Variants in DOP1A observed in about 807,000 individuals in gnomAD.
DOP1A encodes the protein protein DOP1A.
DOP1A carries 90 observed loss-of-function variants against 267.6 expected under a neutral mutation model. The observed-to-expected ratio is 0.34, with a 90% CI of 0.28 to 0.40. The LOEUF is 0.40. DOP1A is among the 10% of genes least tolerant of loss of function. The pLI, the probability that DOP1A is intolerant of heterozygous loss-of-function variation, is 1.00. For missense variants in DOP1A, 2,437 were observed against 2,900.4 expected (o/e 0.84, Z 3.67); for synonymous variants, 932 against 999.1 (o/e 0.93, Z 1.27).
chr6:83,145,775 G>A, intron 25 of DOP1A, 117 bp downstream of exon 25: 1 of 922,924 alleles, frequency 1.1e-6, no homozygotes, highest in Non-Finnish European at 1.6e-6. Flanking sequence ...AGAGATGACT[G>A]CATGTGGCCC....
intron 38 of DOP1A, chr6:83,166,224 G>A (rs1470987971): frequency 1.4e-5 from 7 of 501,178 alleles, no homozygotes; most frequent in Middle Eastern, 6.6e-4. Context: ...AATGCCGAAC[G>A]ACCATAAAAT....
intron 1 of DOP1A, among the ~76,000 whole-genome samples, chr6:83,095,437 A>T (rs1771300190): frequency 6.6e-6 from 1 of 152,112 alleles, no homozygotes; most frequent in Non-Finnish European, 1.5e-5. Context: ...TGTTGGAAAG[A>T]CTATTCTTAC....
chr6:83,156,990 T>C (rs907175154), intron 34 of DOP1A, among the ~76,000 whole-genome samples, 192 bp from the exon 35 acceptor site: 6 of 152,190 alleles, frequency 3.9e-5, no homozygotes, highest in Admixed American at 3.3e-4. Context: ...AAAATGACAT[T>C]TGTATTTTGT....
chr6:83,137,055 A>G (rs1397390570), intron 20 of DOP1A, 118 bp from the exon 21 acceptor site: 1 of 995,590 alleles, frequency 1.0e-6, no homozygotes, highest in East Asian at 2.8e-5. Flanking sequence ...ATTTTAGGAA[A>G]ATATAAGTAG....
Position 83,129,441 on chromosome 6 carries a change from A to C in DOP1A, c.2274A>C (p.Ser758=). 1.3e-6 allele frequency: 2 copies of C among 1,590,120 alleles called. No individual in the cohort carries two copies. The highest frequency in any genetic ancestry group is 8.5e-7 in the Non-Finnish European group (1 of 1,172,898). ...LAACQLFLEC[S]SFPVYIAEGN... ...CCTGTCAGCTCTTCCTAGAGTGCTC[A>C]AGTTTCCCAGTTTACATTGCTGAGG... is the stretch of plus-strand genomic sequence containing the variant. The change falls in exon 16 of 39, where the codon TCA becomes TCC. Residue 758 remains serine, a synonymous_variant. Coordinates refer to ENST00000349129, the MANE Select transcript of DOP1A (RefSeq NM_015018.4).
intron 12 of DOP1A, among the ~76,000 whole-genome samples, 164 bp from the exon 13 acceptor site, chr6:83,124,541 A>T (rs1311411360): frequency 6.6e-6 from 1 of 152,144 alleles, no homozygotes; most frequent in Non-Finnish European, 1.5e-5. Context: ...AGAATTTTCC[A>T]TGAAGAGGTA....
chr6:83,099,011 T>C (rs1772027650), intron 3 of DOP1A, among the ~76,000 whole-genome samples: 1 of 151,822 alleles, frequency 6.6e-6, no homozygotes. Context: ...TACGGCCAGC[T>C]CCGAGACAGG....
chr6:83,108,483 A>G (rs1002872806), intron 4 of DOP1A, among the ~76,000 whole-genome samples: 110 of 152,296 alleles, frequency 7.2e-4, no homozygotes, highest in African/African-American at 2.5e-3. Flanking sequence ...CAGCCATGTT[A>G]GAGTAGAAGA....
Position 83,128,892 on chromosome 6 carries a change from A to G in DOP1A, c.1725A>G (p.Ser575=). The G allele has an allele frequency of 6.6e-7, 1 of 1,521,718 alleles. No homozygotes were observed. The allele number at this position is 1,521,718 out of a possible 1,614,324, so 94.3% of individuals were successfully genotyped here. The part of the protein sequence containing the change: ...SVKEWEDKKV[S]SVSHENPTEV... ...TTCTTAAAAATCTCTAACAGGTATC[A>G]TCAGTTTCTCATGAAAATCCTACTG... is the stretch of plus-strand genomic sequence containing the variant. Residue 575 remains serine (S), a synonymous_variant, in exon 16 of 39, where the codon TCA becomes TCG. Coordinates refer to ENST00000349129, the MANE Select transcript of DOP1A (RefSeq NM_015018.4).
Position 83,139,029 on chromosome 6 carries a change from T to G in DOP1A, c.4987T>G (p.Leu1663Val). Residue 1663 changes from leucine to valine, a missense_variant, in exon 21 of 39, where the codon TTA becomes GTA. Leu to Val is a conservative substitution (Grantham distance 32, BLOSUM62 1). Coordinates refer to ENST00000349129, the MANE Select transcript of DOP1A (RefSeq NM_015018.4). ...ACKMHPQWIG[L>V]ITSTLPYMGK... is the part of the protein sequence containing the mutation. ...TAAGATGCACCCACAATGGATTGGTTTAATCACATCTACTCTGCCTTACAT... is the reference window on the plus strand; with the variant it reads ...TAAGATGCACCCACAATGGATTGGTGTAATCACATCTACTCTGCCTTACAT... The G allele has an allele frequency of 6.2e-7, 1 of 1,614,094 alleles. No individual in the cohort carries two copies. The highest frequency in any genetic ancestry group is 1.1e-5 in the South Asian group (1 of 91,074).
At chr6:83,149,731 G>A (rs1215886368) in intron 27 of DOP1A, among the ~76,000 whole-genome samples, 1 of 152,104 alleles carries the variant, frequency 6.6e-6, no homozygotes, top group African/African-American at 2.4e-5. Flanking sequence ...GAAGTGTGGG[G>A]ATGGTTTCAA....
chr6:83,110,250 A>G lies in DOP1A; in HGVS notation c.617A>G (p.His206Arg), dbSNP rs79076146. 9.5e-5 allele frequency: 153 copies of G among 1,614,050 alleles called. No homozygotes were observed. Among genetic ancestry groups the G allele is most frequent in the Middle Eastern group, 4.9e-4 (3 of 6,062 alleles). ...RLPGITYVLA[H>R]LNRKLSMEDQ... is the part of the protein sequence containing the mutation. Reference sequence around the variant, plus strand: ...CCTGGAATCACGTATGTTCTTGCCCATTTAAACAGGAAGCTTTCTATGGAA... The same window carrying G: ...CCTGGAATCACGTATGTTCTTGCCCGTTTAAACAGGAAGCTTTCTATGGAA... The change falls in exon 6 of 39, where the codon CAT becomes CGT. Residue 206 changes from histidine to arginine, a missense_variant. Coordinates refer to ENST00000349129, the MANE Select transcript of DOP1A (RefSeq NM_015018.4).
chr6:83,121,421 T>A (rs1180358362), intron 10 of DOP1A, among the ~76,000 whole-genome samples: 2 of 151,710 alleles, frequency 1.3e-5, no homozygotes, highest in Non-Finnish European at 3.0e-5. Flanking sequence ...TGGTAACAGA[T>A]GAAGCTCAGG....
At chr6:83,076,908 A>G (rs898558977) in intron 1 of DOP1A, among the ~76,000 whole-genome samples, 5 of 152,218 alleles carry the variant, frequency 3.3e-5, no homozygotes, top group Non-Finnish European at 5.9e-5. Flanking sequence ...AAAATACAGT[A>G]TCTACATAGA....
At chr6:83,163,325 CAA>C (rs1192804117) in intron 38 of DOP1A, among the ~76,000 whole-genome samples, 1 of 151,814 alleles carries the variant, frequency 6.6e-6, no homozygotes, top group Non-Finnish European at 1.5e-5. Flanking sequence ...TGATGACAAA[CAA>C]AAGTATGAGT....
intron 37 of DOP1A, among the ~76,000 whole-genome samples, 166 bp downstream of exon 37, chr6:83,160,126 A>C (rs1783885510): frequency 6.6e-6 from 1 of 152,226 alleles, no homozygotes. Context: ...GTAAATGGTC[A>C]ATGTGGATAT....
chr6:83,151,693 T>G (rs1347850131), intron 28 of DOP1A, 34 bp downstream of exon 28: 1 of 1,565,668 alleles, frequency 6.4e-7, no homozygotes, highest in East Asian at 2.2e-5. Context: ...CCAAAACTGT[T>G]TCTCAGTGCC....
intron 1 of DOP1A, among the ~76,000 whole-genome samples, chr6:83,087,161 G>A (rs1252289410): frequency 6.6e-6 from 1 of 152,142 alleles, no homozygotes; most frequent in Admixed American, 6.5e-5. Flanking sequence ...ATTTGTTGGA[G>A]GGAAGGTAAG....
At chr6:83,095,402 G>C (rs1771293909) in intron 1 of DOP1A, among the ~76,000 whole-genome samples, 1 of 151,980 alleles carries the variant, frequency 6.6e-6, no homozygotes, top group South Asian at 2.1e-4. Context: ...TTTGCACATG[G>C]GATATTCAGT....
Sources: allele counts gnomAD v4.1 joint callset (sites outside exome capture counted in the v4.1 genomes callset), GRCh38; gene constraint gnomAD v4.1.1; transcripts MANE v1.5; gene names NCBI Gene and HGNC (gene_info 2026-07-23, HGNC 2026-07-21).